Variants in ATP10A observed in about 807,000 individuals in gnomAD.
ATP10A encodes the protein ATPase phospholipid transporting 10A (putative), also known as phospholipid-transporting ATPase VA.
Under a neutral mutation model 147.8 loss-of-function variants are expected in ATP10A, and 111 were observed. The observed-to-expected ratio is 0.75, with a 90% CI of 0.64 to 0.88. ATP10A has a LOEUF of 0.88. ATP10A is among the 40% of genes least tolerant of loss of function. ATP10A has a pLI of 0.00. For synonymous variants in ATP10A, 875 were observed against 841.6 expected, an observed-to-expected ratio of 1.04 and a Z score of -0.69; for missense variants, 1,927 against 1,959.0, an observed-to-expected ratio of 0.98 and a Z score of 0.31.
At chr15:25,828,341 A>G (rs1389507802) in intron 1 of ATP10A, among the ~76,000 whole-genome samples, 2 of 152,232 alleles carry the variant, frequency 1.3e-5, no homozygotes, top group Non-Finnish European at 2.9e-5. Flanking sequence ...CAGTAGAATA[A>G]ACTTTCTTCT....
At chr15:25,779,518 A>G (rs1889790039) in intron 2 of ATP10A, among the ~76,000 whole-genome samples, 1 of 141,134 alleles carries the variant, frequency 7.1e-6, no homozygotes, top group African/African-American at 2.6e-5. Context: ...CTAGGGGAGA[A>G]GCTGAGAGTG....
At chr15:25,698,436 T>A (rs1447354147) in intron 13 of ATP10A, among the ~76,000 whole-genome samples, 1 of 152,240 alleles carries the variant, frequency 6.6e-6, no homozygotes, top group East Asian at 1.9e-4. Context: ...GATAACATTT[T>A]CTTTTCTCTA....
chr15:25,743,379 T>G (rs1365609057), intron 2 of ATP10A, among the ~76,000 whole-genome samples: 1 of 152,212 alleles, frequency 6.6e-6, no homozygotes, highest in Non-Finnish European at 1.5e-5. Flanking sequence ...ACCAAACCTC[T>G]AGTTACTGGC....
intron 1 of ATP10A, among the ~76,000 whole-genome samples, chr15:25,833,599 G>T (rs61993768): frequency 6.6e-6 from 1 of 152,080 alleles, no homozygotes; most frequent in Non-Finnish European, 1.5e-5. Context: ...AACATGCGCC[G>T]GGCAGTATTC....
At chr15:25,730,188 CT>C (rs1393153868) in intron 3 of ATP10A, among the ~76,000 whole-genome samples, 11 of 151,292 alleles carry the variant, frequency 7.3e-5, no homozygotes, top group African/African-American at 2.7e-4. Flanking sequence ...GTAATCCCAG[CT>C]ACTCAGGGAG....
chr15:25,729,044 A>G lies in ATP10A; in HGVS notation c.741-1778T>C, dbSNP rs116082483. 3.5e-3 allele frequency among the ~76,000 whole-genome samples: 539 copies of G among 152,320 alleles called. 5 individuals carry two copies. Among genetic ancestry groups the G allele is most frequent in the African/African-American group, 0.013 (524 of 41,584 alleles). ...ACAGGTACGAGGCTCAACTCCACAA[A>G]GACACACACAAGAACGTGAGCCGTC... is the stretch of plus-strand genomic sequence containing the variant. On this transcript the variant is annotated intron_variant, in intron 3 of 20. Coordinates refer to ENST00000555815, the MANE Select transcript of ATP10A (RefSeq NM_024490.4).
chr15:25,837,078 C>A (rs1892629165), intron 1 of ATP10A, among the ~76,000 whole-genome samples: 1 of 152,142 alleles, frequency 6.6e-6, no homozygotes, highest in Non-Finnish European at 1.5e-5. Flanking sequence ...CACACAGTTA[C>A]CTCATTTTTT....
intron 2 of ATP10A, among the ~76,000 whole-genome samples, chr15:25,753,115 C>T (rs762704721): frequency 6.6e-6 from 1 of 152,124 alleles, no homozygotes; most frequent in African/African-American, 2.4e-5. Context: ...AATTTACCCT[C>T]TAGGTAATTT....
At position 25,722,002 on chromosome 15, in the gene ATP10A, C is replaced by T. The variant is rs113062715; in HGVS notation, c.1111-93G>A. The stretch of plus-strand genomic sequence containing the variant: ...TATTTAAATAACAAATGACTACAAC[C>T]GCAAGAAAGTAGGGACTATACTGTA... On this transcript the variant is annotated intron_variant, in intron 6 of 20. Coordinates refer to ENST00000555815, the MANE Select transcript of ATP10A (RefSeq NM_024490.4). The T allele has an allele frequency of 4.0e-4, 549 of 1,375,492 alleles. 6 individuals carry two copies. The East Asian group carries it at 9.5e-3, about 24-fold the overall frequency. The allele number at this position is 1,375,492 out of a possible 1,614,324, so 85.2% of individuals were successfully genotyped here. A position where few individuals can be genotyped will look rare whatever the true frequency, so the allele number is the denominator to read the frequency against.
At chr15:25,859,385 T>A (rs1000323632) in intron 1 of ATP10A, among the ~76,000 whole-genome samples, 1 of 151,918 alleles carries the variant, frequency 6.6e-6, no homozygotes, top group African/African-American at 2.4e-5. Context: ...AGTGGCAGGG[T>A]CTCAAGCGCA....
At chr15:25,763,427 G>A (rs893355020) in intron 2 of ATP10A, among the ~76,000 whole-genome samples, 1 of 152,140 alleles carries the variant, frequency 6.6e-6, no homozygotes, top group African/African-American at 2.4e-5. Flanking sequence ...CTTCCTCCTG[G>A]TGAAGTTGGC....
chr15:25,680,359 A>T, intron 19 of ATP10A, 51 bp from the exon 20 acceptor site: 4 of 1,566,128 alleles, frequency 2.6e-6, no homozygotes, highest in Non-Finnish European at 3.5e-6. Context: ...AAAAGTGACA[A>T]CAATGACAAT....
At chr15:25,672,244 G>A in the ATP10A span, among the ~76,000 whole-genome samples, 5 of 152,230 alleles carry the variant, frequency 3.3e-5, no homozygotes, top group South Asian at 2.1e-4. Context: ...TGCCCGGCCC[G>A]TCCTTTCGTG....
At chr15:25,759,110 G>A (rs1401340827) in intron 2 of ATP10A, among the ~76,000 whole-genome samples, 1 of 152,230 alleles carries the variant, frequency 6.6e-6, no homozygotes, top group Non-Finnish European at 1.5e-5. Flanking sequence ...GTCCAAATGT[G>A]CACTCGCCAT....
At chr15:25,804,335 G>A (rs1891081031) in intron 1 of ATP10A, among the ~76,000 whole-genome samples, 1 of 151,440 alleles carries the variant, frequency 6.6e-6, no homozygotes, top group Non-Finnish European at 1.5e-5. Flanking sequence ...TGTGTGATAT[G>A]AGGTGTTTAT....
Position 25,750,912 on chromosome 15 carries a change from G to T in ATP10A, c.655-14771C>A, listed in dbSNP as rs574434976. ...AAGGTATAGCTAATGGGAGAAAAAA[G>T]AAGCAGAAAAAGAAGAAAAGGGTCA... On this transcript the variant is annotated intron_variant, in intron 2 of 20. Transcript: ENST00000555815. 2.0e-4 allele frequency among the ~76,000 whole-genome samples: 30 copies of T among 151,972 alleles called. No individual in the cohort carries two copies. In the South Asian group the frequency reaches 6.2e-3, roughly 32 times the overall value.
At chr15:25,725,698 G>A (rs1008894807) in intron 5 of ATP10A, among the ~76,000 whole-genome samples, 13 of 151,338 alleles carry the variant, frequency 8.6e-5, no homozygotes, top group South Asian at 8.4e-4. Context: ...GCAGTGGTGC[G>A]ATCTCAGCTC....
intron 3 of ATP10A, among the ~76,000 whole-genome samples, chr15:25,735,841 A>G (rs1596787497): frequency 6.6e-6 from 1 of 152,286 alleles, no homozygotes; most frequent in African/African-American, 2.4e-5. Context: ...GGTAGTGGCA[A>G]GCTTCTACTG....
At chr15:25,832,532 C>CT (rs1255920583) in intron 1 of ATP10A, among the ~76,000 whole-genome samples, 1 of 150,166 alleles carries the variant, frequency 6.7e-6, no homozygotes, top group African/African-American at 2.4e-5. Context: ...CATTTTTTGT[C>CT]TTATGCTTAC....
Sources: gnomAD v4.1 joint callset for allele counts (sites outside exome capture counted in the v4.1 genomes callset) on GRCh38, gnomAD v4.1.1 for gene constraint, MANE v1.5 for transcripts, NCBI Gene and HGNC (gene_info 2026-07-23, HGNC 2026-07-21) for gene names.